The following ARX variants were observed in gnomAD, a reference collection of about 807,000 sequenced individuals.
ARX encodes the protein aristaless related homeobox, also known as homeobox protein ARX.
In ARX, 1 loss-of-function variant was observed where a neutral mutation model predicts 23.1. The observed-to-expected ratio is 0.04, with a 90% CI of 0.02 to 0.21. ARX has a LOEUF of 0.21. Among genes scored for constraint, ARX ranks in the 10% least tolerant of loss-of-function variants. The pLI, the probability that ARX is intolerant of heterozygous loss-of-function variation, is 1.00. For synonymous variants in ARX, 301 were observed against 270.1 expected (o/e 1.11, Z -1.12); for missense variants, 380 against 527.5 (o/e 0.72, Z 2.74).
Position 25,015,948 on chromosome X carries a change from A to G in ARX, c.-211T>C. The G allele has an allele frequency of 2.2e-6, 1 of 451,077 alleles. No homozygotes were observed. The highest frequency in any genetic ancestry group is 3.9e-6 in the Non-Finnish European group (1 of 256,284). The allele number at this position is 451,077 out of a possible 1,213,427, so 37.2% of individuals were successfully genotyped here. On this transcript the variant is annotated 5_prime_UTR_variant, in exon 1 of 5. Transcript: ENST00000379044. ...GCTCGCCCTCTCCGCGCTCAGGACAAGCGGTAACAAGTGTAGTGAGCAGCG... is the reference window on the plus strand; with the variant it reads ...GCTCGCCCTCTCCGCGCTCAGGACAGGCGGTAACAAGTGTAGTGAGCAGCG...
intron 4 of ARX, 99 bp downstream of exon 4, chrX:25,007,012 A>G: frequency 1.0e-6 from 1 of 988,166 alleles, no homozygotes; most frequent in African/African-American, 2.0e-5. Flanking sequence ...AAAGAAAAAG[A>G]TGTGTGTAAC....
At chrX:25,012,370 G>A (rs1005679330) in intron 2 of ARX, among the ~76,000 whole-genome samples, 1 of 112,757 alleles carries the variant, frequency 8.9e-6, no homozygotes, top group African/African-American at 3.2e-5. Flanking sequence ...CTTTTTAAAG[G>A]CCTTCTCCGC....
chrX:25,015,091 A>G (rs1191312781), intron 1 of ARX, among the ~76,000 whole-genome samples: 4 of 111,800 alleles, frequency 3.6e-5, no homozygotes. Context: ...AAAAAATAAA[A>G]CCAAAACATT....
Position 25,004,337 on chromosome X carries a change from A to T in ARX, c.*333T>A, listed in dbSNP as rs566976212. Reference sequence around the variant, plus strand: ...TCAGGAGGAAGAGGTTGGGCTTTTTAAATTTTTTACTTCAATATCAGGCGT... The same window carrying T: ...TCAGGAGGAAGAGGTTGGGCTTTTTTAATTTTTTACTTCAATATCAGGCGT... On this transcript the variant is annotated 3_prime_UTR_variant, in exon 5 of 5. Transcript: ENST00000379044. The T allele has an allele frequency of 7.5e-4, 177 of 237,142 alleles. 1 individual carries two copies. In the South Asian group the frequency reaches 0.015, roughly 20 times the overall value. The allele number at this position is 237,142 out of a possible 1,213,427, so 19.5% of individuals were successfully genotyped here.
In ARX at chrX:25,004,649, C is replaced by T. The variant is rs1159719327; in HGVS notation, c.*21G>A. ...GTGACCTTTCGGGGCGCGCGCGGGG[C>T]GCGGGTGTGGAGGGCAGCCTTTAGC... On this transcript the variant is annotated 3_prime_UTR_variant, in exon 5 of 5. Coordinates refer to ENST00000379044, the MANE Select transcript of ARX (RefSeq NM_139058.3). The T allele has an allele frequency of 2.6e-6, 3 of 1,163,219 alleles. No individual in the cohort carries two copies. The highest frequency in any genetic ancestry group is 3.4e-6 in the Non-Finnish European group (3 of 872,536).
chrX:25,009,513 G>A (rs919021188), intron 3 of ARX, among the ~76,000 whole-genome samples: 4 of 111,465 alleles, frequency 3.6e-5, no homozygotes, highest in African/African-American at 6.5e-5. Context: ...CTTTATCAGC[G>A]CTTGATTTTG....
At position 25,013,468 on chromosome X, in the gene ARX, C is replaced by T; in HGVS notation, c.527G>A (p.Arg176His). ...QVSISRSKSYRENGAPFVPPP... is the reference protein window; with the variant it reads ...QVSISRSKSYHENGAPFVPPP... ...CGGCACGAAGGGCGCCCCGTTCTCG[C>T]GGTACGACTTGCTGCGGCTGATGCT... The change falls in exon 2 of 5, where the codon CGC (arginine) becomes CAC (histidine). Residue 176 changes from arginine (R) to histidine (H), a missense_variant. Arg to His is a conservative substitution (Grantham distance 29). This residue lies in a region of ARX where 235 missense variants were observed against 270.2 expected (regional missense o/e 0.87). Transcript: ENST00000379044. 6.6e-6 allele frequency: 6 copies of T among 914,950 alleles called. No individual in the cohort carries two copies. The highest frequency in any genetic ancestry group is 8.1e-6 in the Non-Finnish European group (6 of 739,992). The allele number at this position is 914,950 out of a possible 1,213,427, so 75.4% of individuals were successfully genotyped here.
chrX:25,005,550 G>C (rs2048674403), intron 4 of ARX, among the ~76,000 whole-genome samples: 1 of 112,495 alleles, frequency 8.9e-6, no homozygotes, highest in South Asian at 3.7e-4. Flanking sequence ...CAGCGCCTGC[G>C]GGTGAGAGTG....
chrX:25,014,132 A>C (rs1601948940), intron 1 of ARX, among the ~76,000 whole-genome samples: 5 of 93,483 alleles, frequency 5.3e-5, no homozygotes, highest in Admixed American at 1.2e-4. Flanking sequence ...TTCTCTCCTT[A>C]CCTTTTTTCT....
In ARX at chrX:25,003,931, C is replaced by T. The variant is rs1315791808; in HGVS notation, c.*739G>A. The T allele has an allele frequency of 1.1e-4, 12 of 110,196 alleles. No individual in the cohort carries two copies. The highest frequency in any genetic ancestry group is 4.0e-4 in the African/African-American group (12 of 30,216). The allele number at this position is 110,196 out of a possible 1,213,427, so 9.1% of individuals were successfully genotyped here. ...AATCTACGGGAGGACAAACTTTTAC[C>T]ATACCACGCTGAGTGCAATTGCGTT... On this transcript the variant is annotated 3_prime_UTR_variant, in exon 5 of 5. Transcript: ENST00000379044.
In ARX at chrX:25,013,189, G is replaced by A. The variant is rs2048709573; in HGVS notation, c.806C>T (p.Ala269Val). ...LLKEPRRCPV[A>V]ATGAVAAAAA... ...TGCTGCGGCCACGGCGCCAGTGGCG[G>A]CCACAGGACAGCGCCGGGGCTCCTT... Residue 269 changes from alanine (A) to valine (V), a missense_variant, in exon 2 of 5, where the codon GCC becomes GTC. Transcript: ENST00000379044. The A allele has an allele frequency of 1.7e-6, 2 of 1,181,945 alleles. No individual in the cohort carries two copies. Among genetic ancestry groups the A allele is most frequent in the Non-Finnish European group, 2.3e-6 (2 of 881,708 alleles).
intron 3 of ARX, among the ~76,000 whole-genome samples, chrX:25,008,148 C>T (rs914388186): frequency 2.7e-5 from 3 of 112,338 alleles, no homozygotes; most frequent in Non-Finnish European, 3.8e-5. Flanking sequence ...AAGAAAGGCT[C>T]GAGTTAATTA....
chrX:25,013,679 C>CCGCCGT lies in ARX; in HGVS notation c.315_316insACGGCG (p.Ala105_Ala106insThrAla), dbSNP rs1398440271. The CCGCCGT allele has an allele frequency of 1.2e-6, 1 of 836,193 alleles. No homozygotes were observed. Among genetic ancestry groups the CCGCCGT allele is most frequent in the African/African-American group, 2.2e-5 (1 of 45,115 alleles). 68.9% of individuals were successfully genotyped at this position (836,193 alleles called of 1,213,427 possible). On this transcript the variant is annotated inframe_insertion, in exon 2 of 5. Coordinates refer to ENST00000379044, the MANE Select transcript of ARX (RefSeq NM_139058.3). Reference sequence around the variant, plus strand: ...GCCGCTGCCGCCGCCGCCGCCGCCGCCGCCGCCGCCGCTGCCGCACCCTGA... The same window carrying CCGCCGT: ...GCCGCTGCCGCCGCCGCCGCCGCCGCCGCCGTCGCCGCCGCCGCTGCCGCACCCTGA...
chrX:25,005,516 G>A (rs2048674206), intron 4 of ARX, among the ~76,000 whole-genome samples: 1 of 112,535 alleles, frequency 8.9e-6, no homozygotes, highest in Non-Finnish European at 1.9e-5. Context: ...CCTTCCGCGC[G>A]GGACTCAGCT....
chrX:25,012,169 C>T (rs7063687), intron 2 of ARX, among the ~76,000 whole-genome samples: 20,966 of 112,138 alleles, frequency 0.19, 1,504 homozygotes, highest in South Asian at 0.45. Context: ...GCCAGGCTTC[C>T]AGCAATCATT....
Position 25,013,316 on chromosome X carries a change from C to T in ARX, c.679G>A (p.Glu227Lys). ...AGGGTGTEDD[E>K]EELLEDEEDE... The stretch of plus-strand genomic sequence containing the variant: ...TCTTCGTCCTCCAGCAGCTCCTCCT[C>T]GTCGTCCTCGGTGCCGGTGCCACCA... Residue 227 changes from glutamate to lysine, a missense_variant, in exon 2 of 5, where the codon GAG becomes AAG. Transcript: ENST00000379044. The T allele has an allele frequency of 8.7e-7, 1 of 1,154,814 alleles. No individual in the cohort carries two copies. The highest frequency in any genetic ancestry group is 1.1e-6 in the Non-Finnish European group (1 of 872,069).
At chrX:25,010,632 A>AAC (rs1292245473) in intron 2 of ARX, among the ~76,000 whole-genome samples, 1 of 111,761 alleles carries the variant, frequency 8.9e-6, no homozygotes, top group East Asian at 2.8e-4. Flanking sequence ...AGAGTTAGAC[A>AAC]ACACACACAC....
At chrX:25,012,640 CCTCT>C (rs2048706654) in intron 2 of ARX, among the ~76,000 whole-genome samples, 1 of 113,178 alleles carries the variant, frequency 8.8e-6, no homozygotes, top group Non-Finnish European at 1.9e-5. Flanking sequence ...TGTTTCTTTT[CCTCT>C]CTCTAACTAA....
At chrX:25,005,342 AG>A (rs1429071860) in intron 4 of ARX, among the ~76,000 whole-genome samples, 5 of 62,222 alleles carry the variant, frequency 8.0e-5, no homozygotes, top group African/African-American at 1.9e-4. Context: ...GGAGGGTGGG[AG>A]GGGGGAGGAA....
Sources: gnomAD v4.1 joint callset for allele counts (sites outside exome capture counted in the v4.1 genomes callset) on GRCh38, gnomAD v4.1.1 for gene constraint, gnomAD v4.1.1 regional missense constraint, MANE v1.5 for transcripts, NCBI Gene and HGNC (gene_info 2026-07-23, HGNC 2026-07-21) for gene names.